WHRN: variants seen among roughly 807,000 people sequenced by gnomAD.
The protein encoded by WHRN is whirlin, also known as CASK-interacting protein CIP98.
A neutral mutation model predicts 68.3 loss-of-function variants in WHRN; 41 were observed. The ratio of observed to expected loss-of-function variants is 0.60; its 90% CI spans 0.47 to 0.78. The LOEUF is 0.78. Among genes scored for constraint, WHRN ranks in the 30% least tolerant of loss-of-function variants. The pLI is 0.00. For missense variants in WHRN, 1,243 were observed against 1,244.7 expected (o/e 1.00, Z 0.02); for synonymous variants, 560 against 561.3 (o/e 1.00, Z 0.03).
intron 3 of WHRN, among the ~76,000 whole-genome samples, chr9:114,465,567 T>C (rs191427819): frequency 4.9e-4 from 74 of 152,286 alleles, no homozygotes; most frequent in Admixed American, 1.0e-3. Flanking sequence ...GCTCTTTAAT[T>C]TGGTGATGGG....
chr9:114,447,861 C>G (rs1838973595), intron 3 of WHRN, among the ~76,000 whole-genome samples: 1 of 152,146 alleles, frequency 6.6e-6, no homozygotes, highest in Admixed American at 6.5e-5. Context: ...CTCAGGCACT[C>G]TCTTATAGCT....
At chr9:114,459,599 C>T (rs1186821271) in intron 3 of WHRN, among the ~76,000 whole-genome samples, 1 of 152,158 alleles carries the variant, frequency 6.6e-6, no homozygotes, top group Admixed American at 6.5e-5. Context: ...GGAGAACAGA[C>T]CCTGGCAGAA....
At chr9:114,460,897 A>G (rs1280906850) in intron 3 of WHRN, among the ~76,000 whole-genome samples, 1 of 152,254 alleles carries the variant, frequency 6.6e-6, no homozygotes, top group South Asian at 2.1e-4. Context: ...TTCCATTTCA[A>G]TATGCCTAAT....
At chr9:114,447,321 G>A (rs2132660588) in intron 3 of WHRN, among the ~76,000 whole-genome samples, 1 of 152,288 alleles carries the variant, frequency 6.6e-6, no homozygotes, top group East Asian at 1.9e-4. Flanking sequence ...CCCTGGCTGT[G>A]TCACCTTGGG....
chr9:114,462,578 T>C (rs569830213), intron 3 of WHRN, among the ~76,000 whole-genome samples: 1 of 152,320 alleles, frequency 6.6e-6, no homozygotes, highest in South Asian at 2.1e-4. Context: ...AGAAAGAATT[T>C]GATCTTGGGC....
In WHRN at chr9:114,424,434, T is replaced by C. The variant is rs781184468; in HGVS notation, c.1316A>G (p.His439Arg). Residue 439 changes from histidine to arginine, a missense_variant, in exon 6 of 12, where the codon CAC becomes CGC. Physicochemically the swap from His to Arg is conservative, Grantham distance 29. Transcript: ENST00000362057. Reference sequence around the variant, plus strand: ...ATCCAGGTAGTAGGCCATGGTGGCGTGTTCCTGCTCGTTCAGCAGGTGCCG... The same window carrying C: ...ATCCAGGTAGTAGGCCATGGTGGCGCGTTCCTGCTCGTTCAGCAGGTGCCG... ...QARHLLNEQE[H>R]ATMAYYLDEY... 1 of 1,613,578 alleles carries C rather than the reference T, an allele frequency of 6.2e-7. No individual in the cohort carries two copies. Among genetic ancestry groups the C allele is most frequent in the Admixed American group, 1.7e-5 (1 of 60,018 alleles).
At chr9:114,464,511 C>A (rs1840499813) in intron 3 of WHRN, among the ~76,000 whole-genome samples, 1 of 152,152 alleles carries the variant, frequency 6.6e-6, no homozygotes, top group Admixed American at 6.5e-5. Context: ...TATAAGGGCA[C>A]TAATCCCATT....
intron 3 of WHRN, among the ~76,000 whole-genome samples, chr9:114,462,722 CTGGGTGGCCT>C (rs1331033860): frequency 6.6e-6 from 1 of 152,224 alleles, no homozygotes; most frequent in African/African-American, 2.4e-5. Flanking sequence ...TAGCACTTAG[CTGGGTGGCCT>C]TGGACAAGTT....
At chr9:114,486,125 A>T (rs929586294) in intron 1 of WHRN, among the ~76,000 whole-genome samples, 1 of 152,180 alleles carries the variant, frequency 6.6e-6, no homozygotes, top group Non-Finnish European at 1.5e-5. Context: ...TCCCTTCCTG[A>T]GGCTGCCAGT....
At position 114,478,638 on chromosome 9, in the gene WHRN, G is replaced by C. The variant is rs1253694128; in HGVS notation, c.752C>G (p.Pro251Arg). Residue 251 changes from proline to arginine, a missense_variant, in exon 2 of 12, where the codon CCC becomes CGC. By Grantham distance (103) the Pro-to-Arg change is moderately radical. Coordinates refer to ENST00000362057, the MANE Select transcript of WHRN (RefSeq NM_015404.4). The part of the protein sequence containing the change: ...GRSISPPSGL[P>R]QPHGGALRQQ... Reference sequence around the variant, plus strand: ...CCTCAGGGCACCACCGTGGGGCTGGGGCAGGCCCGAGGGTGGGGAGATGCT... The same window carrying C: ...CCTCAGGGCACCACCGTGGGGCTGGCGCAGGCCCGAGGGTGGGGAGATGCT... The C allele has an allele frequency of 3.1e-6, 5 of 1,613,604 alleles. No homozygotes were observed. In the East Asian group the frequency reaches 1.1e-4, roughly 36 times the overall value.
Position 114,504,392 on chromosome 9 carries a change from T to A in WHRN, c.410A>T (p.Glu137Val), listed in dbSNP as rs771357587. The A allele has an allele frequency of 6.2e-7, 1 of 1,604,904 alleles. No individual in the cohort carries two copies. Among genetic ancestry groups the A allele is most frequent in the Non-Finnish European group, 8.5e-7 (1 of 1,179,250 alleles). The change falls in exon 1 of 12, where the codon GAG becomes GTG. Residue 137 changes from glutamate (E) to valine (V), a missense_variant. By Grantham distance (121) the Glu-to-Val change is moderately radical. Coordinates refer to ENST00000362057, the MANE Select transcript of WHRN (RefSeq NM_015404.4). ...WGGPDSAGPG[E>V]VRLVSLRRAK... ...ACGCCGCAAACTCACCAGGCGCACC[T>A]CCCCTGGCCCCGCGCTGTCGGGGCC...
chr9:114,406,617 G>A lies in WHRN; in HGVS notation c.1974C>T (p.Asn658=), dbSNP rs750507868. 5 of 1,611,426 alleles carry A rather than the reference G, an allele frequency of 3.1e-6. No homozygotes were observed. In the African/African-American group the frequency reaches 6.7e-5, roughly 21 times the overall value. Residue 658 remains asparagine, a synonymous_variant, in exon 9 of 12, where the codon AAC becomes AAT. Transcript: ENST00000362057. Reference sequence around the variant, plus strand: ...CGTCCAGCGGCCTCTTGGAGCTGGGGTTGGCAGGGGAGACGGAGGCATAGA... The same window carrying A: ...CGTCCAGCGGCCTCTTGGAGCTGGGATTGGCAGGGGAGACGGAGGCATAGA... ...SPIYASVSPA[N]PSSKRPLDAH... is the part of the protein sequence containing the mutation.
chr9:114,484,906 G>A (rs966554997), intron 1 of WHRN, among the ~76,000 whole-genome samples: 1 of 152,296 alleles, frequency 6.6e-6, no homozygotes, highest in East Asian at 1.9e-4. Flanking sequence ...CTTAGCAGAG[G>A]AGTGAGAAAT....
chr9:114,505,179 G>A lies in WHRN; in HGVS notation c.-378C>T, dbSNP rs945586206. The A allele has an allele frequency of 2.0e-5, 4 of 202,298 alleles. No individual in the cohort carries two copies. The highest frequency in any genetic ancestry group is 1.5e-4 in the South Asian group (1 of 6,872). 12.5% of individuals were successfully genotyped at this position (202,298 alleles called of 1,614,324 possible). On this transcript the variant is annotated 5_prime_UTR_variant, in exon 1 of 12. Transcript: ENST00000362057. ...GACGACGGGTGGCTGGAGTTTGGGG[G>A]CGCCGCAAAGCTGACCTGACTGCCC...
At chr9:114,501,551 T>TACACACACACACACACAC (rs59195050) in intron 1 of WHRN, among the ~76,000 whole-genome samples, 53 of 144,964 alleles carry the variant, frequency 3.7e-4, no homozygotes, top group Admixed American at 2.0e-3. Context: ...TAATTTTTAT[T>TACACACACACACACACAC]ACACACACAC....
At chr9:114,496,984 T>C (rs148342165) in intron 1 of WHRN, among the ~76,000 whole-genome samples, 33 of 152,340 alleles carry the variant, frequency 2.2e-4, no homozygotes, top group African/African-American at 6.5e-4. Context: ...GGAGGAATCC[T>C]AAAGGAAGAC....
rs1393887417 is a variant in WHRN at position 114,504,899 on chromosome 9, C to T, written c.-98G>A. The T allele has an allele frequency of 1.5e-6, 2 of 1,321,186 alleles. No homozygotes were observed. Among genetic ancestry groups the T allele is most frequent in the South Asian group, 2.1e-5 (1 of 46,602 alleles). 81.8% of individuals were successfully genotyped at this position (1,321,186 alleles called of 1,614,324 possible). ...CGCGACAGCTGGATCCCCGGGAGCGCGGAGACGACGGCTGGAGCCTGGGTT... is the reference window on the plus strand; with the variant it reads ...CGCGACAGCTGGATCCCCGGGAGCGTGGAGACGACGGCTGGAGCCTGGGTT... On this transcript the variant is annotated 5_prime_UTR_variant, in exon 1 of 12. Transcript: ENST00000362057.
rs140548063 is a variant in WHRN, at chr9:114,494,496, G to A, written c.618+9688C>T. On this transcript the variant is annotated intron_variant, in intron 1 of 11. Coordinates refer to ENST00000362057, the MANE Select transcript of WHRN (RefSeq NM_015404.4). ...GAAGAGGAATCTGAGAATCAGAGAC[G>A]TTAGGAAGCTGGTTCAAGGCCCCAC... is the stretch of plus-strand genomic sequence containing the variant. Among the ~76,000 whole-genome samples, 8 of 152,306 alleles carry A rather than the reference G, an allele frequency of 5.3e-5. No homozygotes were observed. In the East Asian group the frequency reaches 7.7e-4, roughly 15 times the overall value.
chr9:114,451,603 C>T (rs1839343274), intron 3 of WHRN, among the ~76,000 whole-genome samples: 1 of 152,070 alleles, frequency 6.6e-6, no homozygotes. Flanking sequence ...AGACCATTCG[C>T]TCCTCCCTAA....
Sources: allele counts gnomAD v4.1 joint callset (sites outside exome capture counted in the v4.1 genomes callset), GRCh38; gene constraint gnomAD v4.1.1; transcripts MANE v1.5; gene names NCBI Gene and HGNC (gene_info 2026-07-23, HGNC 2026-07-21).